Variants in AP4S1 observed in about 807,000 individuals in gnomAD.
AP4S1 encodes adaptor related protein complex 4 subunit sigma 1.
A neutral mutation model predicts 19.8 loss-of-function variants in AP4S1; 23 were observed. That is an observed-to-expected ratio of 1.16 (90% CI 0.84 to 1.65). AP4S1 has a LOEUF of 1.65. AP4S1 is among the 40% of genes most tolerant of loss of function. The pLI is 0.00. For synonymous variants in AP4S1, 46 were observed against 54.1 expected (o/e 0.85, Z 0.66); for missense variants, 166 against 172.8 (o/e 0.96, Z 0.22).
chr14:31,063,057 A>G (rs1476214252), intron 1 of AP4S1, among the ~76,000 whole-genome samples: 1 of 152,006 alleles, frequency 6.6e-6, no homozygotes, highest in African/African-American at 2.4e-5. Flanking sequence ...AGCACTTGGA[A>G]GGCTAAGGCA....
chr14:31,077,816 A>G (rs1331692343), intron 4 of AP4S1, among the ~76,000 whole-genome samples: 2 of 149,358 alleles, frequency 1.3e-5, no homozygotes, highest in African/African-American at 5.0e-5. Context: ...GCTCACTGCA[A>G]CCTCTGACTC....
At chr14:31,035,335 C>G (rs1258261005) in intron 1 of AP4S1, among the ~76,000 whole-genome samples, 1 of 150,974 alleles carries the variant, frequency 6.6e-6, no homozygotes. Flanking sequence ...GCTGGGATTA[C>G]AAGCACACGC....
intron 4 of AP4S1, among the ~76,000 whole-genome samples, chr14:31,076,159 T>C (rs1191760215): frequency 6.6e-6 from 1 of 152,240 alleles, no homozygotes; most frequent in African/African-American, 2.4e-5. Context: ...AGAACCATGC[T>C]TTCAGTTCTC....
At chr14:31,070,912 C>T (rs970593744) in intron 3 of AP4S1, among the ~76,000 whole-genome samples, 4 of 152,102 alleles carry the variant, frequency 2.6e-5, no homozygotes, top group South Asian at 2.1e-4. Context: ...ATTAGCTGGG[C>T]GTGGTGGCGG....
chr14:31,037,034 G>A (rs1044505504), intron 1 of AP4S1, among the ~76,000 whole-genome samples: 3 of 151,804 alleles, frequency 2.0e-5, no homozygotes, highest in African/African-American at 4.8e-5. Flanking sequence ...GGATGGTCTC[G>A]ATCTCTTGAC....
At chr14:31,051,112 T>C (rs1402868480) in intron 1 of AP4S1, among the ~76,000 whole-genome samples, 1 of 151,800 alleles carries the variant, frequency 6.6e-6, no homozygotes, top group Non-Finnish European at 1.5e-5. Flanking sequence ...AAAAGTTAGC[T>C]GGGTGTGGTG....
intron 3 of AP4S1, among the ~76,000 whole-genome samples, chr14:31,071,930 TG>T (rs397718653): frequency 2.7e-5 from 4 of 150,368 alleles, no homozygotes; most frequent in Non-Finnish European, 5.9e-5. Flanking sequence ...TGATTTTTTT[TG>T]GGGGGGTGGG....
rs898370256 is a variant in AP4S1 at position 31,065,792 on chromosome 14, T to C, written c.-71-334T>C. 5.9e-4 allele frequency among the ~76,000 whole-genome samples: 90 copies of C among 152,222 alleles called. 1 individual carries two copies. The highest frequency in any genetic ancestry group is 2.0e-3 in the African/African-American group (85 of 41,536). ...TCCCCTGCCTCAGCCTTTCAAGTAG[T>C]TGGAACTACAGGCCCCCGCCACCAC... On this transcript the variant is annotated intron_variant, in intron 1 of 5. Transcript: ENST00000542754.
chr14:31,059,955 T>G (rs974727142), intron 1 of AP4S1, among the ~76,000 whole-genome samples: 12 of 133,810 alleles, frequency 9.0e-5, no homozygotes, highest in Admixed American at 5.3e-4. Context: ...ATTTATTTAT[T>G]TATGTATATA....
intron 1 of AP4S1, among the ~76,000 whole-genome samples, chr14:31,035,821 C>T (rs1230491695): frequency 1.3e-5 from 2 of 148,290 alleles, no homozygotes; most frequent in Non-Finnish European, 3.0e-5. Context: ...CTTCCGCCTC[C>T]TGGGTTCACT....
At chr14:31,036,554 T>C (rs960873402) in intron 1 of AP4S1, among the ~76,000 whole-genome samples, 7 of 152,252 alleles carry the variant, frequency 4.6e-5, no homozygotes, top group Non-Finnish European at 8.8e-5. Context: ...TTGTCAGCTT[T>C]AGCTAGCTAG....
At chr14:31,047,821 G>C (rs1157182876) in intron 1 of AP4S1, among the ~76,000 whole-genome samples, 1 of 152,112 alleles carries the variant, frequency 6.6e-6, no homozygotes, top group Non-Finnish European at 1.5e-5. Context: ...GAGTAGTTGG[G>C]ATTACAGATG....
intron 4 of AP4S1, among the ~76,000 whole-genome samples, chr14:31,079,900 T>TTAC (rs34797029): frequency 0.68 from 103,307 of 151,736 alleles, 35,672 homozygotes; most frequent in Admixed American, 0.75. Flanking sequence ...AGCCCATCAG[T>TTAC]TACTGATAAC....
At chr14:31,025,908 A>C in intron 1 of AP4S1, 121 bp downstream of exon 1, 1 of 1,600,836 alleles carries the variant, frequency 6.2e-7, no homozygotes, top group Non-Finnish European at 8.5e-7. Context: ...AGGTACCTGC[A>C]GTTCGGCCCG....
chr14:31,026,088 C>G (rs1378637885), intron 1 of AP4S1: 2 of 1,529,206 alleles, frequency 1.3e-6, no homozygotes, highest in Admixed American at 2.0e-5. Context: ...TCCGTTCCCC[C>G]CGGGCGAAAG....
intron 1 of AP4S1, among the ~76,000 whole-genome samples, chr14:31,035,955 A>C (rs140594454): frequency 0.012 from 1,875 of 151,830 alleles, 23 homozygotes; most frequent in Middle Eastern, 0.041. Context: ...TGGTCTCGAT[A>C]TCCTGACCTG....
intron 1 of AP4S1, among the ~76,000 whole-genome samples, chr14:31,056,965 T>C (rs1346236748): frequency 1.3e-5 from 2 of 152,098 alleles, no homozygotes; most frequent in Non-Finnish European, 2.9e-5. Flanking sequence ...TCCCAGCTAC[T>C]TGGGGGGCTG....
chr14:31,044,587 A>G (rs1254741717), intron 1 of AP4S1, among the ~76,000 whole-genome samples: 1 of 151,616 alleles, frequency 6.6e-6, no homozygotes, highest in African/African-American at 2.4e-5. Context: ...AGCTCAAGCA[A>G]TCCACCCACC....
At chr14:31,061,299 G>A (rs144556430) in intron 1 of AP4S1, among the ~76,000 whole-genome samples, 3 of 152,060 alleles carry the variant, frequency 2.0e-5, no homozygotes, top group East Asian at 1.9e-4. Context: ...GATTACCGGC[G>A]TGAGCCACCG....
Sources: allele counts gnomAD v4.1 joint callset (sites outside exome capture counted in the v4.1 genomes callset), GRCh38; gene constraint gnomAD v4.1.1; transcripts MANE v1.5; gene names NCBI Gene and HGNC (gene_info 2026-07-23, HGNC 2026-07-21).